Variants in ARHGAP26 observed in about 807,000 individuals in gnomAD.
ARHGAP26 encodes rho GTPase-activating protein 26.
Under a neutral mutation model 104.8 loss-of-function variants are expected in ARHGAP26, and 38 were observed. That is an observed-to-expected ratio of 0.36 (90% CI 0.28 to 0.48). The LOEUF is 0.48. ARHGAP26 is among the 20% of genes least tolerant of loss of function. The pLI is 0.99. For missense variants in ARHGAP26, 704 were observed against 947.9 expected, an observed-to-expected ratio of 0.74 and a Z score of 3.38; for synonymous variants, 341 against 340.0, an observed-to-expected ratio of 1.00 and a Z score of -0.03.
chr5:143,123,286 G>A (rs1796347408), intron 18 of ARHGAP26, among the ~76,000 whole-genome samples: 1 of 152,252 alleles, frequency 6.6e-6, no homozygotes, highest in African/African-American at 2.4e-5. Context: ...GTCTTTGTGA[G>A]AGCAATTGGA....
rs143144818 is a variant in ARHGAP26, at chr5:142,799,069, C to T, written c.154+28154C>T. Among the ~76,000 whole-genome samples, 921 of 152,260 alleles carry T rather than the reference C, an allele frequency of 6.0e-3. 8 individuals carry two copies. The highest frequency in any genetic ancestry group is 9.9e-3 in the Non-Finnish European group (672 of 68,016). ...AAGAGATAATGTGTTCCACATTAAA[C>T]CTAACAGACATCGCTAATTTGGTCA... On this transcript the variant is annotated intron_variant, in intron 1 of 22. Transcript: ENST00000645722.
intron 20 of ARHGAP26, among the ~76,000 whole-genome samples, chr5:143,196,945 A>C (rs2151291365): frequency 6.6e-6 from 1 of 152,290 alleles, no homozygotes; most frequent in African/African-American, 2.4e-5. Flanking sequence ...GCAAATAAGG[A>C]ATATGGAAAT....
chr5:142,791,941 C>CAAAA (rs11397426), intron 1 of ARHGAP26, among the ~76,000 whole-genome samples: 5 of 65,108 alleles, frequency 7.7e-5, no homozygotes, highest in South Asian at 5.5e-4. Flanking sequence ...AAACCCGTCT[C>CAAAA]AAAAAAAAAA....
rs1290609157 is a variant in ARHGAP26 at position 142,894,302 on chromosome 5, A to G, written c.551A>G (p.Lys184Arg). 4 of 1,614,120 alleles carry G rather than the reference A, an allele frequency of 2.5e-6. No individual in the cohort carries two copies. The East Asian group carries it at 6.7e-5, about 27-fold the overall frequency. The change falls in exon 6 of 23, where the codon AAG becomes AGG. Residue 184 changes from lysine (K) to arginine (R), a missense_variant. This residue lies in a region of ARHGAP26 where 16 missense variants were observed against 46.4 expected (regional missense o/e 0.34). Transcript: ENST00000645722. The part of the protein sequence containing the change: ...FYEVSLEYVF[K>R]VQEVQERKMF... Reference sequence around the variant, plus strand: ...GAAGTATCCCTGGAATATGTCTTCAAGGTGCAGGAAGTCCAAGAGAGAAAG... The same window carrying G: ...GAAGTATCCCTGGAATATGTCTTCAGGGTGCAGGAAGTCCAAGAGAGAAAG...
chr5:143,021,236 T>G (rs1780297426), intron 12 of ARHGAP26, among the ~76,000 whole-genome samples: 1 of 152,266 alleles, frequency 6.6e-6, no homozygotes, highest in Non-Finnish European at 1.5e-5. Flanking sequence ...GGCATTATGT[T>G]GAATATGCTT....
At chr5:142,822,830 C>G (rs559316441) in intron 1 of ARHGAP26, among the ~76,000 whole-genome samples, 98 of 152,254 alleles carry the variant, frequency 6.4e-4, no homozygotes, top group Admixed American at 1.0e-3. Context: ...GAAGGCTAAA[C>G]CCCATATTAT....
intron 1 of ARHGAP26, among the ~76,000 whole-genome samples, chr5:142,774,083 A>G (rs1243840099): frequency 6.6e-6 from 1 of 152,226 alleles, no homozygotes; most frequent in East Asian, 1.9e-4. Flanking sequence ...AATGGAACAA[A>G]TGGATGTGGA....
chr5:142,916,401 C>T (rs1022391177), intron 10 of ARHGAP26, among the ~76,000 whole-genome samples: 7 of 152,208 alleles, frequency 4.6e-5, no homozygotes, highest in African/African-American at 1.7e-4. Context: ...GTGAAAACCA[C>T]GTGCACTCAG....
At chr5:142,895,286 A>C (rs888300154) in intron 6 of ARHGAP26, among the ~76,000 whole-genome samples, 9 of 151,756 alleles carry the variant, frequency 5.9e-5, no homozygotes, top group Non-Finnish European at 1.2e-4. Context: ...GCTGGAGTGC[A>C]ATGGTGCAAT....
intron 1 of ARHGAP26, among the ~76,000 whole-genome samples, chr5:142,831,881 C>T (rs909434803): frequency 3.9e-5 from 6 of 152,158 alleles, no homozygotes; most frequent in Non-Finnish European, 5.9e-5. Context: ...AACATAGCTA[C>T]CTACATAGCC....
At chr5:142,825,770 C>G (rs899993971) in intron 1 of ARHGAP26, among the ~76,000 whole-genome samples, 14 of 152,142 alleles carry the variant, frequency 9.2e-5, no homozygotes. Flanking sequence ...GCTTTTCTGT[C>G]CAGTAGAGAC....
intron 11 of ARHGAP26, among the ~76,000 whole-genome samples, chr5:142,988,494 G>C (rs1775110524): frequency 6.6e-6 from 1 of 152,022 alleles, no homozygotes; most frequent in African/African-American, 2.4e-5. Flanking sequence ...GTCTCCTCCA[G>C]TTCTGCTCTG....
chr5:143,001,301 G>A (rs1447876748), intron 11 of ARHGAP26, among the ~76,000 whole-genome samples: 1 of 152,154 alleles, frequency 6.6e-6, no homozygotes, highest in Non-Finnish European at 1.5e-5. Context: ...GCATGCTTAA[G>A]AATTATGTAT....
chr5:143,114,887 G>T (rs1795220489), intron 17 of ARHGAP26, among the ~76,000 whole-genome samples: 1 of 152,146 alleles, frequency 6.6e-6, no homozygotes, highest in Non-Finnish European at 1.5e-5. Flanking sequence ...TAGGGTGGTG[G>T]GCTTTGTATG....
chr5:143,147,496 A>T, intron 20 of ARHGAP26, 115 bp downstream of exon 20: 3 of 1,236,132 alleles, frequency 2.4e-6, no homozygotes, highest in South Asian at 1.7e-5. Context: ...CATTATTTAA[A>T]CCTCCTCCCT....
intron 13 of ARHGAP26, among the ~76,000 whole-genome samples, chr5:143,039,755 A>C (rs1476604087): frequency 6.6e-6 from 1 of 152,154 alleles, no homozygotes; most frequent in Non-Finnish European, 1.5e-5. Flanking sequence ...GTCTGTAGTA[A>C]ATGCAAACTG....
intron 20 of ARHGAP26, among the ~76,000 whole-genome samples, chr5:143,153,532 AAGTC>A (rs1332875950): frequency 6.6e-6 from 1 of 152,232 alleles, no homozygotes; most frequent in Non-Finnish European, 1.5e-5. Flanking sequence ...GCTGAGAAAG[AAGTC>A]AGGGAATGCC....
At chr5:143,185,558 C>T (rs1805012612) in intron 20 of ARHGAP26, among the ~76,000 whole-genome samples, 2 of 151,642 alleles carry the variant, frequency 1.3e-5, no homozygotes, top group Admixed American at 1.3e-4. Flanking sequence ...TTTTGCTTTT[C>T]CAAAAGCAAA....
chr5:143,145,787 C>G (rs529209716), intron 19 of ARHGAP26, among the ~76,000 whole-genome samples: 1 of 152,278 alleles, frequency 6.6e-6, no homozygotes, highest in East Asian at 1.9e-4. Flanking sequence ...GGGTTTTTCT[C>G]TCTCCTGTGG....
Sources: gnomAD v4.1 joint callset for allele counts (sites outside exome capture counted in the v4.1 genomes callset) on GRCh38, gnomAD v4.1.1 for gene constraint, gnomAD v4.1.1 regional missense constraint, MANE v1.5 for transcripts, NCBI Gene and HGNC (gene_info 2026-07-23, HGNC 2026-07-21) for gene names.